SLC9A9: variants seen among roughly 807,000 people sequenced by gnomAD.
SLC9A9 encodes the protein sodium/hydrogen exchanger 9.
A neutral mutation model predicts 77.8 loss-of-function variants in SLC9A9; 62 were observed. The observed-to-expected ratio is 0.80, with a 90% CI of 0.65 to 0.98. SLC9A9 has a LOEUF of 0.98. Among genes scored for constraint, SLC9A9 ranks in the 50% least tolerant of loss-of-function variants. The pLI is 0.00. For synonymous variants in SLC9A9, 320 were observed against 283.5 expected, an observed-to-expected ratio of 1.13 and a Z score of -1.29; for missense variants, 775 against 774.9, an observed-to-expected ratio of 1.00 and a Z score of 0.00.
chr3:143,447,500 T>G (rs975034024), intron 12 of SLC9A9, among the ~76,000 whole-genome samples: 1 of 152,206 alleles, frequency 6.6e-6, no homozygotes, highest in African/African-American at 2.4e-5. Flanking sequence ...GGCAAGTTGT[T>G]TTTTGCAAAT....
intron 2 of SLC9A9, among the ~76,000 whole-genome samples, chr3:143,824,005 T>C (rs2009238021): frequency 6.6e-6 from 1 of 152,274 alleles, no homozygotes; most frequent in South Asian, 2.1e-4. Flanking sequence ...ATGGATATAT[T>C]CTCAAACGCA....
At chr3:143,449,883 A>AAT (rs1290890930) in intron 12 of SLC9A9, among the ~76,000 whole-genome samples, 15 of 77,714 alleles carry the variant, frequency 1.9e-4, no homozygotes, top group Admixed American at 7.2e-4. Context: ...TAATTATATA[A>AAT]ATATATAATT....
At chr3:143,742,885 C>T (rs887464929) in intron 4 of SLC9A9, among the ~76,000 whole-genome samples, 1 of 151,800 alleles carries the variant, frequency 6.6e-6, no homozygotes, top group African/African-American at 2.4e-5. Flanking sequence ...CTCAATTTTT[C>T]CATAAATCTA....
intron 12 of SLC9A9, among the ~76,000 whole-genome samples, chr3:143,452,894 C>T (rs1158047182): frequency 6.6e-6 from 1 of 152,030 alleles, no homozygotes; most frequent in East Asian, 1.9e-4. Flanking sequence ...TTAGAAGATG[C>T]ATGCTTTAAT....
At chr3:143,373,405 G>A (rs760190072) in intron 13 of SLC9A9, among the ~76,000 whole-genome samples, 1 of 152,066 alleles carries the variant, frequency 6.6e-6, no homozygotes, top group African/African-American at 2.4e-5. Context: ...AGCTATGGGT[G>A]TGTAAAGGCA....
intron 11 of SLC9A9, among the ~76,000 whole-genome samples, chr3:143,483,082 C>T (rs1408209983): frequency 6.6e-6 from 1 of 152,220 alleles, no homozygotes; most frequent in African/African-American, 2.4e-5. Flanking sequence ...GCATTGGAGA[C>T]ACCCAGATCA....
At chr3:143,831,447 A>AT (rs1219787274) in intron 2 of SLC9A9, among the ~76,000 whole-genome samples, 3 of 152,112 alleles carry the variant, frequency 2.0e-5, no homozygotes, top group Non-Finnish European at 2.9e-5. Context: ...TCATTTCACA[A>AT]TTTTTTTCTA....
chr3:143,623,129 C>A (rs1364302026), intron 6 of SLC9A9, among the ~76,000 whole-genome samples: 17 of 152,094 alleles, frequency 1.1e-4, no homozygotes, highest in Non-Finnish European at 1.9e-4. Flanking sequence ...CCTTAGAGAC[C>A]TACAAAGAGA....
chr3:143,472,479 C>A (rs1369973499), intron 11 of SLC9A9, among the ~76,000 whole-genome samples: 1 of 152,144 alleles, frequency 6.6e-6, no homozygotes, highest in African/African-American at 2.4e-5. Flanking sequence ...TCTCCTATAA[C>A]CCTCATCAAA....
At chr3:143,569,116 C>T (rs929730796) in intron 8 of SLC9A9, among the ~76,000 whole-genome samples, 3 of 151,808 alleles carry the variant, frequency 2.0e-5, no homozygotes, top group East Asian at 1.9e-4. Context: ...TCAAATTAAT[C>T]TAAAAATTTA....
chr3:143,376,663 A>G (rs2033186939), intron 13 of SLC9A9, among the ~76,000 whole-genome samples: 2 of 152,240 alleles, frequency 1.3e-5, no homozygotes, highest in Admixed American at 1.3e-4. Flanking sequence ...ATAAAAATAT[A>G]GAATTTAGAA....
chr3:143,666,864 C>T (rs2039078402), intron 5 of SLC9A9, among the ~76,000 whole-genome samples: 1 of 152,182 alleles, frequency 6.6e-6, no homozygotes, highest in Non-Finnish European at 1.5e-5. Context: ...ATTCCATGCT[C>T]ACGAATAGGA....
chr3:143,810,699 C>T (rs1349794525), intron 2 of SLC9A9, among the ~76,000 whole-genome samples: 2 of 152,178 alleles, frequency 1.3e-5, no homozygotes, highest in Admixed American at 1.3e-4. Flanking sequence ...GAAGTAGGCT[C>T]TTGCTGTTTT....
chr3:143,805,774 C>G (rs936105052), intron 2 of SLC9A9, among the ~76,000 whole-genome samples: 1 of 152,094 alleles, frequency 6.6e-6, no homozygotes, highest in African/African-American at 2.4e-5. Flanking sequence ...TGTAATTTTC[C>G]ATTACCTACC....
At position 143,578,482 on chromosome 3, in the gene SLC9A9, A is replaced by G. The variant is rs2037399665; in HGVS notation, c.894+103T>C. ...TGCCGTATGAAACTTGGACCAGACT[A>G]TCTAGCCTTTTATGGGCCTGGAGGT... is the stretch of plus-strand genomic sequence containing the variant. On this transcript the variant is annotated intron_variant, in intron 7 of 15. Coordinates refer to ENST00000316549, the MANE Select transcript of SLC9A9 (RefSeq NM_173653.4). 9 of 1,561,232 alleles carry G rather than the reference A, an allele frequency of 5.8e-6. No individual in the cohort carries two copies. In the Admixed American group the frequency reaches 1.4e-4, roughly 24 times the overall value.
At chr3:143,323,975 A>G (rs1226824132) in intron 14 of SLC9A9, among the ~76,000 whole-genome samples, 1 of 152,000 alleles carries the variant, frequency 6.6e-6, no homozygotes, top group Admixed American at 6.6e-5. Context: ...TTAGTTGGTC[A>G]TATATACTTT....
chr3:143,831,975 T>C, intron 2 of SLC9A9, 44 bp downstream of exon 2: 1 of 1,537,752 alleles, frequency 6.5e-7, no homozygotes, highest in Non-Finnish European at 8.9e-7. Context: ...GATACAATTA[T>C]TTATACTGTA....
intron 8 of SLC9A9, among the ~76,000 whole-genome samples, chr3:143,573,158 T>C (rs1407207263): frequency 6.6e-6 from 1 of 152,196 alleles, no homozygotes. Flanking sequence ...TGGTACACCC[T>C]CAATATATGT....
At position 143,324,311 on chromosome 3, in the gene SLC9A9, T is replaced by C. The variant is rs142731234; in HGVS notation, c.1604+39173A>G. 2.1e-3 allele frequency among the ~76,000 whole-genome samples: 314 copies of C among 152,318 alleles called. 2 individuals are homozygous for C. The highest frequency in any genetic ancestry group is 6.9e-3 in the African/African-American group (286 of 41,570). On this transcript the variant is annotated intron_variant, in intron 14 of 15. Transcript: ENST00000316549. ...CCCTCTCCATTCCCACAGCACATCC[T>C]GGATCCTGAAGCTCCAACCGCAAGC...
Sources: gnomAD v4.1 joint callset for allele counts (sites outside exome capture counted in the v4.1 genomes callset) on GRCh38, gnomAD v4.1.1 for gene constraint, MANE v1.5 for transcripts, NCBI Gene and HGNC (gene_info 2026-07-23, HGNC 2026-07-21) for gene names.